The following ZNF318 variants were observed in gnomAD, a reference collection of about 807,000 sequenced individuals.
ZNF318 encodes the protein zinc finger protein 318.
A neutral mutation model predicts 124.2 loss-of-function variants in ZNF318; 51 were observed. The ratio of observed to expected loss-of-function variants is 0.41; its 90% CI spans 0.33 to 0.52. ZNF318 has a LOEUF of 0.52. ZNF318 is among the 20% of genes least tolerant of loss of function. ZNF318 has a pLI of 0.23. For missense variants in ZNF318, 2,815 were observed against 2,811.2 expected (o/e 1.00, Z -0.03); for synonymous variants, 1,090 against 1,040.7 (o/e 1.05, Z -0.91).
intron 5 of ZNF318, among the ~76,000 whole-genome samples, chr6:43,350,336 G>T (rs994281758): frequency 6.6e-6 from 1 of 152,052 alleles, no homozygotes; most frequent in Non-Finnish European, 1.5e-5. Flanking sequence ...ACTCACAGGG[G>T]GTCCCATTGG....
intron 6 of ZNF318, among the ~76,000 whole-genome samples, chr6:43,343,827 C>CAAAAAAAAA (rs10560070): frequency 2.0e-5 from 2 of 101,920 alleles, no homozygotes; most frequent in Non-Finnish European, 2.1e-5. Flanking sequence ...GACCCTGTCT[C>CAAAAAAAAA]AAAAAAAAAA....
Position 43,339,163 on chromosome 6 carries a change from G to A in ZNF318, c.4835C>T (p.Thr1612Ile). ...SNLSRTKSSDTSSTSPLNSSA... is the reference protein window; with the variant it reads ...SNLSRTKSSDISSTSPLNSSA... ...GCTGTTCAAAGGAGAAGTAGAAGAG[G>A]TGTCTGAACTTTTGGTTCTAGAGAG... The change falls in exon 10 of 10, where the codon ACC becomes ATC. Residue 1612 changes from threonine (T) to isoleucine (I), a missense_variant. Transcript: ENST00000361428. The surrounding 1 kb of genome is among the most constrained non-coding windows in gnomAD (Gnocchi z 4.2). 1 of 1,614,192 alleles carries A rather than the reference G, an allele frequency of 6.2e-7. No individual in the cohort carries two copies. The highest frequency in any genetic ancestry group is 8.5e-7 in the Non-Finnish European group (1 of 1,180,044).
chr6:43,336,731 C>A lies in ZNF318; in HGVS notation c.*427G>T, dbSNP rs976600745. The A allele has an allele frequency of 1.3e-5, 2 of 152,566 alleles. No homozygotes were observed. The highest frequency in any genetic ancestry group is 4.8e-5 in the African/African-American group (2 of 41,390). 9.5% of individuals were successfully genotyped at this position (152,566 alleles called of 1,614,324 possible). ...TTTTCCCAGAGATGCATCAACTGCC[C>A]AGGAAATTGGGTAGGAATACAACAC... is the stretch of plus-strand genomic sequence containing the variant. On this transcript the variant is annotated 3_prime_UTR_variant, in exon 10 of 10. Transcript: ENST00000361428.
At position 43,354,723 on chromosome 6, in the gene ZNF318, T is replaced by C. The variant is rs774621593; in HGVS notation, c.2611A>G (p.Ile871Val). ...VPVQVSIPSL[I>V]RYNPEKISDE... ...GAGATCTTCTCTGGATTATATCTTA[T>C]GAGTGATGGAATGGACACCTGGACA... Residue 871 changes from isoleucine to valine, a missense_variant, in exon 4 of 10, where the codon ATA (isoleucine) becomes GTA (valine). Ile to Val is a conservative substitution (Grantham distance 29). This residue lies in a region of ZNF318 where 1,377 missense variants were observed against 1,353.5 expected (regional missense o/e 1.02). Transcript: ENST00000361428. 2 of 1,614,044 alleles carry C rather than the reference T, an allele frequency of 1.2e-6. No individual in the cohort carries two copies. The highest frequency in any genetic ancestry group is 1.7e-5 in the Admixed American group (1 of 60,024).
intron 7 of ZNF318, 108 bp downstream of exon 7, chr6:43,342,568 T>G: frequency 1.7e-6 from 2 of 1,207,048 alleles, no homozygotes; most frequent in Non-Finnish European, 2.4e-6. Flanking sequence ...CTGGGGCTCC[T>G]GCCCATATGA....
In ZNF318 at chr6:43,353,376, CTTTT is replaced by C. The variant is rs11435695; in HGVS notation, c.2671-904_2671-901del. On this transcript the variant is annotated intron_variant, in intron 4 of 9. Coordinates refer to ENST00000361428, the MANE Select transcript of ZNF318 (RefSeq NM_014345.3). ...GGCCCTCTAATTTTTTTCTTCAGAA[CTTTT>C]TTTTTTTTTTTTGAGATGGAATCTT... 9.9e-5 allele frequency among the ~76,000 whole-genome samples: 14 copies of C among 142,056 alleles called. No individual in the cohort carries two copies. The Middle Eastern group carries it at 0.019, about 188-fold the overall frequency. 93.2% of individuals were successfully genotyped at this position (142,056 alleles called of 152,430 possible). A position where few individuals can be genotyped will look rare whatever the true frequency, so the allele number is the denominator to read the frequency against.
rs1253974258 is a variant in ZNF318 at position 43,338,505 on chromosome 6, A to G, written c.5493T>C (p.Ile1831=). The part of the protein sequence containing the change: ...GEVKQPNLLM[I]DKEAEQSNKL... ...TATTGGACTGTTCAGCCTCTTTGTC[A>G]ATCATTAGCAAGTTGGGCTGTTTTA... Residue 1831 remains isoleucine (I), a synonymous_variant, in exon 10 of 10, where the codon ATT becomes ATC. Transcript: ENST00000361428. 1.3e-5 allele frequency: 21 copies of G among 1,614,046 alleles called. No individual in the cohort carries two copies. Among genetic ancestry groups the G allele is most frequent in the Non-Finnish European group, 1.8e-5 (21 of 1,180,038 alleles).
chr6:43,351,393 T>C (rs560736564), intron 5 of ZNF318, among the ~76,000 whole-genome samples: 1 of 152,364 alleles, frequency 6.6e-6, no homozygotes, highest in African/African-American at 2.4e-5. Context: ...ATTAAAGTTA[T>C]GTACCTTCTT....
intron 6 of ZNF318, among the ~76,000 whole-genome samples, chr6:43,346,181 CAAAAAAAAAAAAAAAA>C (rs150168420): frequency 6.9e-5 from 5 of 72,130 alleles, no homozygotes; most frequent in African/African-American, 3.3e-4. Context: ...GACTCTGTTT[CAAAAAAAAAAAAAAAA>C]AAAAAAAAAA....
At position 43,336,576 on chromosome 6, in the gene ZNF318, G is replaced by A. The variant is rs1488795286; in HGVS notation, c.*582C>T. 2.0e-5 allele frequency: 3 copies of A among 152,242 alleles called. No homozygotes were observed. Among genetic ancestry groups the A allele is most frequent in the Non-Finnish European group, 2.9e-5 (2 of 68,040 alleles). The allele number at this position is 152,242 out of a possible 1,614,324, so 9.4% of individuals were successfully genotyped here. A position where few individuals can be genotyped will look rare whatever the true frequency, so the allele number is the denominator to read the frequency against. On this transcript the variant is annotated 3_prime_UTR_variant, in exon 10 of 10. Transcript: ENST00000361428. ...GTACAGGAGTTGACATGCCAATAAG[G>A]GGTGTAAACAGTAAACAAAAGAGCT... is the stretch of plus-strand genomic sequence containing the variant.
In ZNF318 at chr6:43,355,540, T is replaced by C. The variant is rs144181498; in HGVS notation, c.1794A>G (p.Thr598=). Residue 598 remains threonine (T), a synonymous_variant, in exon 4 of 10, where the codon ACA becomes ACG. Coordinates refer to ENST00000361428, the MANE Select transcript of ZNF318 (RefSeq NM_014345.3). ...EYAKIHDLLK[T]IGLDIGVAEI... is the part of the protein sequence containing the mutation. ...CTGCTACTCCAATATCCAGCCCTAT[T>C]GTCTTGAGCAAGTCATGGATCTTCG... The C allele has an allele frequency of 1.3e-3, 2,162 of 1,614,216 alleles. 2 individuals are homozygous for C. The highest frequency in any genetic ancestry group is 1.8e-3 in the Non-Finnish European group (2,073 of 1,180,038).
chr6:43,356,452 A>G lies in ZNF318; in HGVS notation c.1189-307T>C, dbSNP rs1041548474. On this transcript the variant is annotated intron_variant, in intron 3 of 9. Transcript: ENST00000361428. The stretch of plus-strand genomic sequence containing the variant: ...CCCTAGCTTGTTTTCTTTTCTATGG[A>G]TCCCCAAAAGAAAAGGAAAAAAAAA... 7.9e-5 allele frequency among the ~76,000 whole-genome samples: 12 copies of G among 152,226 alleles called. No individual in the cohort carries two copies. In the South Asian group the frequency reaches 2.5e-3, roughly 32 times the overall value.
Position 43,339,112 on chromosome 6 carries a change from T to C in ZNF318, c.4886A>G (p.Gln1629Arg). Residue 1629 changes from glutamine to arginine, a missense_variant, in exon 10 of 10, where the codon CAA becomes CGA. Around this residue, in one of 4 missense-constraint regions of ZNF318, gnomAD observed 927 missense variants for 820.6 expected, o/e 1.13. Transcript: ENST00000361428. This position sits in a 1 kb window ranked among gnomAD's most constrained non-coding sequence, Gnocchi z 4.2. ...AGGAGCAGCGACCAAACCCTCATCT[T>C]GATGCAACTCCTCTTGGGATGCACT... ...NSSASQEELH[Q>R]DEGLVAAPIV... 1 of 1,614,184 alleles carries C rather than the reference T, an allele frequency of 6.2e-7. No individual in the cohort carries two copies. The highest frequency in any genetic ancestry group is 8.5e-7 in the Non-Finnish European group (1 of 1,180,032).
chr6:43,351,244 T>G (rs1779520383), intron 5 of ZNF318, among the ~76,000 whole-genome samples: 1 of 152,252 alleles, frequency 6.6e-6, no homozygotes, highest in Non-Finnish European at 1.5e-5. Flanking sequence ...TACAGGAACG[T>G]GAAAACTGAA....
Position 43,339,507 on chromosome 6 carries a change from G to A in ZNF318, c.4491C>T (p.Asn1497=), listed in dbSNP as rs746710948. 1.9e-6 allele frequency: 3 copies of A among 1,613,994 alleles called. No homozygotes were observed. The African/African-American group carries it at 4.0e-5, about 22-fold the overall frequency. ...CCATGATGGCTACAGGCAACACTGG[G>A]TTCAAAATGTTAGGACCCACGAAGC... ...SPGFVGPNIL[N]PVLPVAIMAS... Residue 1497 remains asparagine (N), a synonymous_variant, in exon 10 of 10, where the codon AAC becomes AAT. Transcript: ENST00000361428. This position sits in a 1 kb window ranked among gnomAD's most constrained non-coding sequence, Gnocchi z 4.2.
rs770362163 is a variant in ZNF318 at position 43,337,889 on chromosome 6, T to C, written c.6109A>G (p.Thr2037Ala). The C allele has an allele frequency of 1.2e-6, 2 of 1,614,162 alleles. No homozygotes were observed. Among genetic ancestry groups the C allele is most frequent in the South Asian group, 1.1e-5 (1 of 91,078 alleles). Residue 2037 changes from threonine (T) to alanine (A), a missense_variant, in exon 10 of 10, where the codon ACT becomes GCT. By Grantham distance (58) the Thr-to-Ala change is moderately conservative. Transcript: ENST00000361428. ...TRVSPAHRSP[T>A]VLCQKVCEEN... ...TCACACACTTTCTGACACAAGACAG[T>C]TGGGGATCTATGTGCTGGGCTTACC...
rs558879891 is a variant in ZNF318, at chr6:43,352,130, C to T, written c.2770+247G>A. Among the ~76,000 whole-genome samples the T allele has an allele frequency of 4.7e-5, 3 of 63,342 alleles. No individual in the cohort carries two copies. In the East Asian group the frequency reaches 1.2e-3, roughly 25 times the overall value. 41.6% of individuals were successfully genotyped at this position (63,342 alleles called of 152,430 possible). ...CTTCACTCCAGCCTGGGTGAAAGAG[C>T]AAAACTTCGTCTCAAATCATCATCA... On this transcript the variant is annotated intron_variant, in intron 5 of 9. Coordinates refer to ENST00000361428, the MANE Select transcript of ZNF318 (RefSeq NM_014345.3).
chr6:43,340,099 A>G lies in ZNF318; in HGVS notation c.3899T>C (p.Ile1300Thr). ...LVTPSISKEE[I>T]LESSKDKEDG... is the part of the protein sequence containing the mutation. Reference sequence around the variant, plus strand: ...CTCTTTGTCCTTACTACTTTCTAGAATCTCTTCTTTAGAGATACTTGGGGT... The same window carrying G: ...CTCTTTGTCCTTACTACTTTCTAGAGTCTCTTCTTTAGAGATACTTGGGGT... The change falls in exon 10 of 10, where the codon ATT (isoleucine) becomes ACT (threonine). Residue 1300 changes from isoleucine to threonine, a missense_variant. By Grantham distance (89) the Ile-to-Thr change is moderately conservative (BLOSUM62 -1). Around this residue, in one of 4 missense-constraint regions of ZNF318, gnomAD observed 500 missense variants for 605.2 expected, o/e 0.83. Transcript: ENST00000361428. The G allele has an allele frequency of 1.2e-6, 2 of 1,614,160 alleles. No homozygotes were observed. Among genetic ancestry groups the G allele is most frequent in the Non-Finnish European group, 1.7e-6 (2 of 1,180,018 alleles).
Position 43,350,741 on chromosome 6 carries a change from G to A in ZNF318, c.2770+1636C>T, listed in dbSNP as rs80125746. On this transcript the variant is annotated intron_variant, in intron 5 of 9. Transcript: ENST00000361428. ...AGGAGGATCACCTGAGCCAGGAAGC[G>A]AGGCTGCAGTGAGCTGAGATCATGC... Among the ~76,000 whole-genome samples the A allele has an allele frequency of 2.4e-4, 36 of 152,116 alleles. No individual in the cohort carries two copies. In the East Asian group the frequency reaches 2.7e-3, roughly 11 times the overall value.
Sources: allele counts gnomAD v4.1 joint callset (sites outside exome capture counted in the v4.1 genomes callset), GRCh38; gene constraint gnomAD v4.1.1; regional missense constraint gnomAD v4.1.1; non-coding constraint Gnocchi (gnomAD v3.1); transcripts MANE v1.5; gene names NCBI Gene and HGNC (gene_info 2026-07-23, HGNC 2026-07-21).